Variants in NUDT3 observed in about 807,000 individuals in gnomAD.
NUDT3 encodes diphosphoinositol polyphosphate phosphohydrolase 1.
NUDT3 carries 9 observed loss-of-function variants against 23.6 expected under a neutral mutation model. The ratio of observed to expected loss-of-function variants is 0.38; its 90% CI spans 0.23 to 0.66. The LOEUF is 0.66. Among genes scored for constraint, NUDT3 ranks in the 30% least tolerant of loss-of-function variants. The pLI, the probability that NUDT3 is intolerant of heterozygous loss-of-function variation, is 0.52. For missense variants in NUDT3, 172 were observed against 218.5 expected, an observed-to-expected ratio of 0.79 and a Z score of 1.34; for synonymous variants, 86 against 82.6, an observed-to-expected ratio of 1.04 and a Z score of -0.22.
Position 34,280,363 on chromosome 6 carries a change from A to C in NUDT3, c.*8390T>G, listed in dbSNP as rs1311204975. ...AACAAGCAAACAAACAAAAAATGGA[A>C]ACCAACACCATATAACCACAGGTTG... is the stretch of plus-strand genomic sequence containing the variant. On this transcript the variant is annotated 3_prime_UTR_variant, in exon 5 of 5. Coordinates refer to ENST00000607016, the MANE Select transcript of NUDT3 (RefSeq NM_006703.4). The C allele has an allele frequency of 1.3e-5, 2 of 152,238 alleles. No homozygotes were observed. The highest frequency in any genetic ancestry group is 4.8e-5 in the African/African-American group (2 of 41,438). The allele number at this position is 152,238 out of a possible 1,614,324, so 9.4% of individuals were successfully genotyped here. A position where few individuals can be genotyped will look rare whatever the true frequency, so the allele number is the denominator to read the frequency against.
intron 2 of NUDT3, among the ~76,000 whole-genome samples, chr6:34,328,126 G>A (rs979965274): frequency 1.3e-5 from 2 of 151,916 alleles, no homozygotes; most frequent in Non-Finnish European, 2.9e-5. Flanking sequence ...AACAGTTTGT[G>A]CCTTCAGTCT....
At chr6:34,348,535 T>C (rs1381258864) in intron 1 of NUDT3, among the ~76,000 whole-genome samples, 1 of 151,984 alleles carries the variant, frequency 6.6e-6, no homozygotes, top group African/African-American at 2.4e-5. Context: ...CCCAGCACTC[T>C]GGCAGGCCGA....
chr6:34,295,619 C>T (rs1302363534), intron 3 of NUDT3, 22 bp downstream of exon 3: 5 of 1,612,862 alleles, frequency 3.1e-6, no homozygotes, highest in Admixed American at 1.7e-5. Context: ...ATCATTTGTA[C>T]CAAAGATTTT....
At chr6:34,391,784 T>C (rs1311971645) in intron 1 of NUDT3, among the ~76,000 whole-genome samples, 2 of 128,694 alleles carry the variant, frequency 1.6e-5, no homozygotes, top group East Asian at 2.7e-4. Flanking sequence ...CACAGACATA[T>C]AATCCCTCGG....
chr6:34,335,159 T>C (rs549274768), intron 2 of NUDT3, among the ~76,000 whole-genome samples: 18 of 152,296 alleles, frequency 1.2e-4, no homozygotes, highest in Admixed American at 7.8e-4. Context: ...TCACAAAGAT[T>C]TCATGAATGA....
chr6:34,294,722 T>C (rs1763473224), intron 3 of NUDT3, among the ~76,000 whole-genome samples: 1 of 150,130 alleles, frequency 6.7e-6, no homozygotes, highest in Non-Finnish European at 1.5e-5. Context: ...CAAGACTCTG[T>C]CTCAAAAAAA....
In NUDT3 at chr6:34,362,431, C is replaced by T. The variant is rs1191403430; in HGVS notation, c.100-20459G>A. Among the ~76,000 whole-genome samples, 5 of 152,228 alleles carry T rather than the reference C, an allele frequency of 3.3e-5. No individual in the cohort carries two copies. In the South Asian group the frequency reaches 6.2e-4, roughly 19 times the overall value. ...CCTTAAGAGATCCTCCTGCCTTGGCCTCCCAATGTGCTGGGATTACAGGTA... is the reference window on the plus strand; with the variant it reads ...CCTTAAGAGATCCTCCTGCCTTGGCTTCCCAATGTGCTGGGATTACAGGTA... On this transcript the variant is annotated intron_variant, in intron 1 of 4. Coordinates refer to ENST00000607016, the MANE Select transcript of NUDT3 (RefSeq NM_006703.4).
intron 2 of NUDT3, among the ~76,000 whole-genome samples, chr6:34,336,898 T>C (rs1302045072): frequency 6.6e-6 from 1 of 152,114 alleles, no homozygotes; most frequent in Non-Finnish European, 1.5e-5. Flanking sequence ...AAATAAAAAA[T>C]CAGATCTGAA....
rs752382851 is a variant in NUDT3 at position 34,293,512 on chromosome 6, C to T, written c.279G>A (p.Thr93=). 1.3e-5 allele frequency: 21 copies of T among 1,614,168 alleles called. No individual in the cohort carries two copies. The highest frequency in any genetic ancestry group is 6.6e-5 in the South Asian group (6 of 91,090). Residue 93 remains threonine (T), a synonymous_variant, in exon 4 of 5, where the codon ACG becomes ACA. Coordinates refer to ENST00000607016, the MANE Select transcript of NUDT3 (RefSeq NM_006703.4). The part of the protein sequence containing the change: ...IFENQERKHR[T]YVYVLIVTEV... ...CAGTGACAATGAGCACATAGACATA[C>T]GTCCTGTGCTTCCTCTCCTGGTTCT...
Position 34,329,684 on chromosome 6 carries a change from G to A in NUDT3, c.210+12178C>T, listed in dbSNP as rs142645542. On this transcript the variant is annotated intron_variant, in intron 2 of 4. Coordinates refer to ENST00000607016, the MANE Select transcript of NUDT3 (RefSeq NM_006703.4). ...TTTTTTATTATACTTTAAGTTCTAGGGTACATGTGCACAACTTGCAGGTTT... is the reference window on the plus strand; with the variant it reads ...TTTTTTATTATACTTTAAGTTCTAGAGTACATGTGCACAACTTGCAGGTTT... Among the ~76,000 whole-genome samples the A allele has an allele frequency of 7.5e-4, 114 of 152,132 alleles. 2 individuals are homozygous for A. The East Asian group carries it at 0.021, about 29-fold the overall frequency.
At position 34,374,474 on chromosome 6, in the gene NUDT3, C is replaced by A. The variant is rs375736301; in HGVS notation, c.99+17790G>T. ...TGAATCTTTCCTTTCTTTCCCAGTT[C>A]TTGTATTTTTTAGATCACATATCAG... On this transcript the variant is annotated intron_variant, in intron 1 of 4. Transcript: ENST00000607016. 5.9e-5 allele frequency among the ~76,000 whole-genome samples: 9 copies of A among 152,186 alleles called. No homozygotes were observed. The South Asian group carries it at 1.9e-3, about 32-fold the overall frequency.
intron 1 of NUDT3, among the ~76,000 whole-genome samples, chr6:34,362,856 A>G (rs929616809): frequency 3.3e-5 from 5 of 152,120 alleles, no homozygotes; most frequent in African/African-American, 9.7e-5. Flanking sequence ...ACTTGAGGAA[A>G]CTGGTTTAAA....
At chr6:34,392,189 G>T in intron 1 of NUDT3, 75 bp downstream of exon 1, 1 of 1,203,338 alleles carries the variant, frequency 8.3e-7, no homozygotes, top group Non-Finnish European at 1.2e-6. Flanking sequence ...CTCCTCCGGC[G>T]GCCGCGCCCC....
intron 2 of NUDT3, among the ~76,000 whole-genome samples, chr6:34,329,800 C>T (rs189635353): frequency 2.2e-4 from 33 of 152,264 alleles, no homozygotes; most frequent in African/African-American, 5.8e-4. Flanking sequence ...ATCCCTCCCC[C>T]AACCCCACCC....
chr6:34,367,554 T>C (rs1764757269), intron 1 of NUDT3, among the ~76,000 whole-genome samples: 2 of 150,628 alleles, frequency 1.3e-5, no homozygotes, highest in Admixed American at 6.7e-5. Context: ...TATTTTGTCA[T>C]GTAAGTAAAT....
At chr6:34,313,237 TGG>T (rs1763802701) in intron 2 of NUDT3, among the ~76,000 whole-genome samples, 1 of 151,834 alleles carries the variant, frequency 6.6e-6, no homozygotes, top group Non-Finnish European at 1.5e-5. Flanking sequence ...TATTACTAAG[TGG>T]AAGAAGTCAA....
chr6:34,305,887 T>C (rs1197373236), intron 2 of NUDT3, among the ~76,000 whole-genome samples: 1 of 152,234 alleles, frequency 6.6e-6, no homozygotes, highest in African/African-American at 2.4e-5. Context: ...GTATATACAG[T>C]CTATAATACT....
At chr6:34,293,311 G>T in intron 4 of NUDT3, 140 bp downstream of exon 4, 1 of 933,720 alleles carries the variant, frequency 1.1e-6, no homozygotes, top group Non-Finnish European at 1.7e-6. Flanking sequence ...ATCCTCCTGT[G>T]TTGGCCTTCC....
chr6:34,322,361 GCTGGGC>G (rs1035359067), intron 2 of NUDT3, among the ~76,000 whole-genome samples: 2 of 152,018 alleles, frequency 1.3e-5, no homozygotes, highest in Non-Finnish European at 2.9e-5. Context: ...CTCCCGAGTA[GCTGGGC>G]TATAGGCACC....
Sources: allele counts gnomAD v4.1 joint callset (sites outside exome capture counted in the v4.1 genomes callset), GRCh38; gene constraint gnomAD v4.1.1; transcripts MANE v1.5; gene names NCBI Gene and HGNC (gene_info 2026-07-23, HGNC 2026-07-21).